FGF12: variants seen among roughly 807,000 people sequenced by gnomAD.
The protein encoded by FGF12 is fibroblast growth factor 12B.
In FGF12, 14 loss-of-function variants were observed where a neutral mutation model predicts 23.6. That is an observed-to-expected ratio of 0.59 (90% CI 0.39 to 0.93). The LOEUF (loss-of-function observed/expected upper bound fraction) is 0.93, where lower values mean the gene tolerates loss of function less well. FGF12 is among the 40% of genes least tolerant of loss of function. The pLI, the probability that FGF12 is intolerant of heterozygous loss-of-function variation, is 0.00. For missense variants in FGF12, 175 were observed against 217.8 expected (o/e 0.80, Z 1.24); for synonymous variants, 62 against 77.3 (o/e 0.80, Z 1.04).
chr3:192,611,251 T>C (rs1344503675), intron 2 of FGF12, among the ~76,000 whole-genome samples: 1 of 152,084 alleles, frequency 6.6e-6, no homozygotes, highest in Non-Finnish European at 1.5e-5. Context: ...TCTTTAAGCC[T>C]CTGGGAAGAT....
At chr3:192,473,027 T>A (rs1362890564) in intron 2 of FGF12, among the ~76,000 whole-genome samples, 2 of 152,334 alleles carry the variant, frequency 1.3e-5, no homozygotes, top group Non-Finnish European at 2.9e-5. Context: ...TTTAATGCCG[T>A]TTCTGTACTT....
At chr3:192,681,869 C>A (rs1349833804) in intron 2 of FGF12, among the ~76,000 whole-genome samples, 1 of 152,122 alleles carries the variant, frequency 6.6e-6, no homozygotes, top group African/African-American at 2.4e-5. Flanking sequence ...TGCTGAGGGT[C>A]ACCATAGAAT....
intron 2 of FGF12, among the ~76,000 whole-genome samples, chr3:192,557,776 A>C (rs1392574138): frequency 5.3e-5 from 8 of 151,912 alleles, no homozygotes; most frequent in Admixed American, 2.6e-4. Context: ...TACAAAAATC[A>C]ATCAAGGTGA....
chr3:192,376,939 A>C (rs1719542214), intron 2 of FGF12, among the ~76,000 whole-genome samples: 1 of 152,196 alleles, frequency 6.6e-6, no homozygotes, highest in African/African-American at 2.4e-5. Flanking sequence ...TGTGAAACAC[A>C]TGGAAAGCTT....
chr3:192,432,639 A>AG lies in FGF12; in HGVS notation c.14-72102_14-72101insC, dbSNP rs1167521161. On this transcript the variant is annotated intron_variant, in intron 2 of 5. Coordinates refer to ENST00000445105, the MANE Select transcript of FGF12 (RefSeq NM_004113.6). ...ATCTGGCAAAAAAAAAAAAAAAAAA[A>AG]AAAGAAAGAAAGAAAGAAAGAAAAG... Among the ~76,000 whole-genome samples, 1,103 of 136,760 alleles carry AG rather than the reference A, an allele frequency of 8.1e-3. 14 individuals carry two copies. The highest frequency in any genetic ancestry group is 0.03 in the African/African-American group (1,052 of 34,730). 89.7% of individuals were successfully genotyped at this position (136,760 alleles called of 152,430 possible).
chr3:192,146,285 T>TTA (rs1713705905), intron 5 of FGF12, among the ~76,000 whole-genome samples: 1 of 151,556 alleles, frequency 6.6e-6, no homozygotes. Context: ...TTTTTTTTTT[T>TTA]TTTGAGACGG....
intron 4 of FGF12, among the ~76,000 whole-genome samples, chr3:192,208,577 CATTAT>C (rs1369468507): frequency 6.6e-6 from 1 of 152,110 alleles, no homozygotes; most frequent in Non-Finnish European, 1.5e-5. Flanking sequence ...ATTTTAATCT[CATTAT>C]ATTGAATTTT....
chr3:192,242,335 C>A (rs1293579002), intron 4 of FGF12, among the ~76,000 whole-genome samples: 1 of 152,170 alleles, frequency 6.6e-6, no homozygotes, highest in Non-Finnish European at 1.5e-5. Flanking sequence ...GGATGAGCAG[C>A]ATCCCTAGCC....
chr3:192,533,519 G>A (rs1229385997), intron 2 of FGF12, among the ~76,000 whole-genome samples: 1 of 152,130 alleles, frequency 6.6e-6, no homozygotes, highest in Admixed American at 6.5e-5. Context: ...GTCAATTCAG[G>A]TCAGTCTGTA....
intron 4 of FGF12, among the ~76,000 whole-genome samples, chr3:192,283,248 C>T (rs956300624): frequency 6.6e-6 from 1 of 152,054 alleles, no homozygotes; most frequent in African/African-American, 2.4e-5. Flanking sequence ...AGAACTATTA[C>T]TATTTATGTT....
At chr3:192,522,747 A>AT (rs1409413919) in intron 2 of FGF12, among the ~76,000 whole-genome samples, 1 of 152,244 alleles carries the variant, frequency 6.6e-6, no homozygotes, top group African/African-American at 2.4e-5. Context: ...CCACAAAGTA[A>AT]TGTGCTACAA....
At chr3:192,223,524 C>T (rs1718577113) in intron 4 of FGF12, among the ~76,000 whole-genome samples, 1 of 152,108 alleles carries the variant, frequency 6.6e-6, no homozygotes, top group Non-Finnish European at 1.5e-5. Flanking sequence ...TAATGTTATG[C>T]CTTTTTAGCA....
At chr3:192,463,839 T>C (rs1226002470) in intron 2 of FGF12, among the ~76,000 whole-genome samples, 2 of 152,164 alleles carry the variant, frequency 1.3e-5, no homozygotes, top group African/African-American at 2.4e-5. Flanking sequence ...GTTTCTGTTT[T>C]TGTTTTTTTA....
chr3:192,321,682 T>C (rs1716546541), intron 4 of FGF12, among the ~76,000 whole-genome samples: 1 of 152,142 alleles, frequency 6.6e-6, no homozygotes, highest in African/African-American at 2.4e-5. Context: ...TCAACCAATG[T>C]GATATGTCAT....
Position 192,143,723 on chromosome 3 carries a change from T to A in FGF12, c.*286A>T, listed in dbSNP as rs1713535401. On this transcript the variant is annotated 3_prime_UTR_variant, in exon 6 of 6. Transcript: ENST00000445105. ...ACAATTAGCCTTCTACTAATAACAA[T>A]ACAGTTTAATTTAATATTTATGGAG... 6 of 307,924 alleles carry A rather than the reference T, an allele frequency of 1.9e-5. No homozygotes were observed. 19.1% of individuals were successfully genotyped at this position (307,924 alleles called of 1,614,324 possible). A position where few individuals can be genotyped will look rare whatever the true frequency, so the allele number is the denominator to read the frequency against.
chr3:192,571,354 C>A (rs894078898), intron 2 of FGF12, among the ~76,000 whole-genome samples: 9 of 152,136 alleles, frequency 5.9e-5, no homozygotes, highest in Non-Finnish European at 1.2e-4. Flanking sequence ...AACAAAAAAA[C>A]CCTGATCATA....
chr3:192,613,310 G>T (rs1479074253), intron 2 of FGF12, among the ~76,000 whole-genome samples: 5 of 151,628 alleles, frequency 3.3e-5, no homozygotes, highest in African/African-American at 4.8e-5. Flanking sequence ...ATTTTTATAG[G>T]AATTGCTTTT....
At chr3:192,301,469 A>G (rs1715345659) in intron 4 of FGF12, among the ~76,000 whole-genome samples, 1 of 152,254 alleles carries the variant, frequency 6.6e-6, no homozygotes, top group African/African-American at 2.4e-5. Context: ...ATCCAATGGT[A>G]TAGAAACACC....
In FGF12 at chr3:192,291,254, T is replaced by C. The variant is rs1714742983; in HGVS notation, c.228+44107A>G. Reference sequence around the variant, plus strand: ...ATTAATTATTCTATGGACATAACAGTTTGAGAATCTTATGGATGTTACTTT... The same window carrying C: ...ATTAATTATTCTATGGACATAACAGCTTGAGAATCTTATGGATGTTACTTT... On this transcript the variant is annotated intron_variant, in intron 4 of 5. Transcript: ENST00000445105. Among the ~76,000 whole-genome samples, 4 of 152,224 alleles carry C rather than the reference T, an allele frequency of 2.6e-5. No individual in the cohort carries two copies. In the South Asian group the frequency reaches 8.3e-4, roughly 32 times the overall value.
Sources: allele counts gnomAD v4.1 joint callset (sites outside exome capture counted in the v4.1 genomes callset), GRCh38; gene constraint gnomAD v4.1.1; transcripts MANE v1.5; gene names NCBI Gene and HGNC (gene_info 2026-07-23, HGNC 2026-07-21).